DNAH5: variants seen among roughly 807,000 people sequenced by gnomAD.
The protein encoded by DNAH5 is axonemal beta dynein heavy chain 5.
A neutral mutation model predicts 518.2 loss-of-function variants in DNAH5; 372 were observed. The observed-to-expected ratio is 0.72, with a 90% confidence interval of 0.66 to 0.78. The LOEUF is 0.78. DNAH5 is among the 30% of genes least tolerant of loss of function. The pLI is 0.00. For missense variants in DNAH5, 5,523 were observed against 5,687.0 expected (o/e 0.97, Z 0.93); for synonymous variants, 2,039 against 2,025.9 (o/e 1.01, Z -0.17).
At position 13,708,743 on chromosome 5, in the gene DNAH5, T is replaced by C. The variant is rs149397724; in HGVS notation, c.13126-408A>G. Among the ~76,000 whole-genome samples, 301 of 152,332 alleles carry C rather than the reference T, an allele frequency of 2.0e-3. 1 individual carries two copies. Among genetic ancestry groups the C allele is most frequent in the Non-Finnish European group, 3.6e-3 (247 of 68,026 alleles). On this transcript the variant is annotated intron_variant, in intron 75 of 78. Transcript: ENST00000265104. ...CATTCTGCTGGCTATTTCAAAAAAC[T>C]AGAATTCTCTTTTAAGAGCTTTCTG...
rs1740665569 is a variant in DNAH5 at position 13,691,264 on chromosome 5, C to A, written c.*720G>T. 1 of 152,084 alleles carries A rather than the reference C, an allele frequency of 6.6e-6. No individual in the cohort carries two copies. The highest frequency in any genetic ancestry group is 6.5e-5 in the Admixed American group (1 of 15,268). The allele number at this position is 152,084 out of a possible 1,614,324, so 9.4% of individuals were successfully genotyped here. A position where few individuals can be genotyped will look rare whatever the true frequency, so the allele number is the denominator to read the frequency against. ...GCTCTTTCTGTATTTAATCATTTTA[C>A]AAAAAGGTTGGGTTGATTTACATTG... is the stretch of plus-strand genomic sequence containing the variant. On this transcript the variant is annotated 3_prime_UTR_variant, in exon 79 of 79. Transcript: ENST00000265104.
chr5:13,833,121 A>G (rs2151842987), intron 35 of DNAH5, among the ~76,000 whole-genome samples: 1 of 102,894 alleles, frequency 9.7e-6, no homozygotes, highest in South Asian at 3.0e-4. Context: ...TTGCTAAAGA[A>G]TGTGTTATCC....
At position 13,911,396 on chromosome 5, in the gene DNAH5, T is replaced by G; in HGVS notation, c.1634A>C (p.Asn545Thr). 1 of 1,613,182 alleles carries G rather than the reference T, an allele frequency of 6.2e-7. No homozygotes were observed. The highest frequency in any genetic ancestry group is 8.5e-7 in the Non-Finnish European group (1 of 1,179,226). ...QDYEEFCKQT[N>T]DLHNELRKFM... ...TATTATACAACCTACATGAAGGTCA[T>G]TAGTCTGCTTGCAAAACTCTTCGTA... Residue 545 changes from asparagine (N) to threonine (T), a missense_variant, in exon 12 of 79, where the codon AAT (asparagine) becomes ACT (threonine). Physicochemically the swap from Asn to Thr is moderately conservative, Grantham distance 65. This residue lies in a region of DNAH5 where 5,121 missense variants were observed against 5,223.3 expected (regional missense o/e 0.98). Transcript: ENST00000265104.
At position 13,900,827 on chromosome 5, in the gene DNAH5, A is replaced by G. The variant is rs542723489; in HGVS notation, c.2053-415T>C. The G allele has an allele frequency of 3.6e-5, 11 of 302,758 alleles. No homozygotes were observed. In the East Asian group the frequency reaches 6.8e-4, roughly 19 times the overall value. The allele number at this position is 302,758 out of a possible 1,614,324, so 18.8% of individuals were successfully genotyped here. A position where few individuals can be genotyped will look rare whatever the true frequency, so the allele number is the denominator to read the frequency against. On this transcript the variant is annotated intron_variant, in intron 14 of 78. Coordinates refer to ENST00000265104, the MANE Select transcript of DNAH5 (RefSeq NM_001369.3). ...AGCTATGGAGACATCGCATCCTGAC[A>G]GCCTACAAAGAAATACATGTATTGG...
chr5:13,968,863 CT>C (rs1286789694), intron 1 of DNAH5, among the ~76,000 whole-genome samples: 1 of 152,044 alleles, frequency 6.6e-6, no homozygotes, highest in African/African-American at 2.4e-5. Context: ...CTTTCTCCAT[CT>C]TTTGAAATAG....
At chr5:13,719,146 C>G (rs755231032) in intron 71 of DNAH5, 45 bp from the exon 72 acceptor site, 3 of 1,432,522 alleles carry the variant, frequency 2.1e-6, no homozygotes, top group Non-Finnish European at 2.9e-6. Flanking sequence ...TGTATTTCAC[C>G]CAAATTCTAA....
At chr5:13,938,538 ATG>A (rs147599164) in intron 1 of DNAH5, among the ~76,000 whole-genome samples, 2,976 of 150,962 alleles carry the variant, frequency 0.02, 94 homozygotes, top group African/African-American at 0.065. Context: ...ATATGTACAT[ATG>A]TATATATAAA....
intron 1 of DNAH5, among the ~76,000 whole-genome samples, chr5:13,986,058 A>G (rs1174564247): frequency 6.6e-6 from 1 of 152,234 alleles, no homozygotes; most frequent in Non-Finnish European, 1.5e-5. Flanking sequence ...GGCCTGGATC[A>G]TGACCACACC....
At chr5:13,706,015 G>C (rs902206320) in intron 76 of DNAH5, among the ~76,000 whole-genome samples, 1 of 152,270 alleles carries the variant, frequency 6.6e-6, no homozygotes, top group East Asian at 1.9e-4. Context: ...ACAAACTTCT[G>C]TTGCTTAAGC....
rs1752912606 is a variant in DNAH5 at position 13,769,012 on chromosome 5, T to C, written c.9845A>G (p.Glu3282Gly). ...AGCTGGTTTTGCTGCTTCCAGTTTT[T>C]CTTCAGCAATGGCTTTGTCTTTAGA... is the stretch of plus-strand genomic sequence containing the variant. ...SISKDKAIAE[E>G]KLEAAKPALE... The change falls in exon 58 of 79, where the codon GAA (glutamate) becomes GGA (glycine). Residue 3282 changes from glutamate (E) to glycine (G), a missense_variant. Coordinates refer to ENST00000265104, the MANE Select transcript of DNAH5 (RefSeq NM_001369.3). The C allele has an allele frequency of 3.1e-6, 5 of 1,614,108 alleles. No homozygotes were observed. The African/African-American group carries it at 4.0e-5, about 13-fold the overall frequency.
chr5:13,866,494 C>A (rs993806781), intron 25 of DNAH5, among the ~76,000 whole-genome samples: 1 of 152,258 alleles, frequency 6.6e-6, no homozygotes, highest in East Asian at 1.9e-4. Flanking sequence ...TTCCCTTAGT[C>A]AAGAAACTTT....
intron 22 of DNAH5, among the ~76,000 whole-genome samples, chr5:13,872,205 A>G (rs1770224852): frequency 6.6e-6 from 1 of 152,176 alleles, no homozygotes; most frequent in Admixed American, 6.6e-5. Context: ...TGGAAGCCTC[A>G]ATGGGAATCT....
intron 1 of DNAH5, among the ~76,000 whole-genome samples, chr5:13,952,996 C>T (rs1018893731): frequency 6.6e-6 from 1 of 152,316 alleles, no homozygotes; most frequent in South Asian, 2.1e-4. Flanking sequence ...CTACTTAATG[C>T]GTTGTCACAA....
At chr5:13,716,406 A>G (rs938179419) in intron 74 of DNAH5, 81 bp downstream of exon 74, 41 of 955,912 alleles carry the variant, frequency 4.3e-5, no homozygotes, top group Non-Finnish European at 6.6e-5. Context: ...TGTAAAAGCA[A>G]TATAGACAGT....
intron 5 of DNAH5, 72 bp from the exon 6 acceptor site, chr5:13,920,689 C>T: frequency 3.2e-6 from 5 of 1,564,524 alleles, no homozygotes; most frequent in Non-Finnish European, 4.4e-6. Flanking sequence ...CCTGTGTTTT[C>T]CACTTTGCTG....
chr5:13,786,029 C>T, intron 52 of DNAH5, 150 bp downstream of exon 52: 3 of 771,630 alleles, frequency 3.9e-6, no homozygotes, highest in Non-Finnish European at 6.5e-6. Flanking sequence ...ATGTTGCATT[C>T]AGCTTAGAAA....
intron 55 of DNAH5, among the ~76,000 whole-genome samples, chr5:13,775,714 A>C (rs1039203623): frequency 1.3e-5 from 2 of 152,150 alleles, no homozygotes; most frequent in African/African-American, 4.8e-5. Context: ...TGGTGAGGGC[A>C]GTAGAAGTGG....
At position 13,769,127 on chromosome 5, in the gene DNAH5, CTTT is replaced by C. The variant is rs747065070; in HGVS notation, c.9727_9729del (p.Lys3243del). On this transcript the variant is annotated inframe_deletion, in exon 58 of 79. Transcript: ENST00000265104. ...GCAGCCTGTGCTTTCATTGTCACTTCTTTTAAGACCTAATTCAATATAAAGCAA... is the reference window on the plus strand; with the variant it reads ...GCAGCCTGTGCTTTCATTGTCACTTCTAAGACCTAATTCAATATAAAGCAA... The C allele has an allele frequency of 6.2e-7, 1 of 1,614,008 alleles. No homozygotes were observed. The highest frequency in any genetic ancestry group is 1.7e-5 in the Admixed American group (1 of 60,018).
At position 13,809,358 on chromosome 5, in the gene DNAH5, G is replaced by A. The variant is rs1760224781; in HGVS notation, c.7610-172C>T. Among the ~76,000 whole-genome samples, 2 of 152,066 alleles carry A rather than the reference G, an allele frequency of 1.3e-5. 1 individual carries two copies. Among genetic ancestry groups the A allele is most frequent in the Non-Finnish European group, 2.9e-5 (2 of 68,006 alleles). ...AAGTATGTGTTAGCTGAGTCAAAAC[G>A]TCCCAAGGAACAATTTCAAGGTGGT... On this transcript the variant is annotated intron_variant, in intron 45 of 78. Coordinates refer to ENST00000265104, the MANE Select transcript of DNAH5 (RefSeq NM_001369.3).
Sources: allele counts gnomAD v4.1 joint callset (sites outside exome capture counted in the v4.1 genomes callset), GRCh38; gene constraint gnomAD v4.1.1; regional missense constraint gnomAD v4.1.1; transcripts MANE v1.5; gene names NCBI Gene and HGNC (gene_info 2026-07-23, HGNC 2026-07-21).